Variants in MYH11 observed in about 807,000 individuals in gnomAD.
The protein encoded by MYH11 is myosin-11.
A neutral mutation model predicts 246.6 loss-of-function variants in MYH11; 80 were observed. The ratio of observed to expected loss-of-function variants is 0.32; its 90% CI spans 0.27 to 0.39. MYH11 has a LOEUF of 0.39. Ranked by LOEUF, MYH11 falls within the 10% of genes least tolerant of loss-of-function variation. The probability of loss-of-function intolerance (pLI) is 1.00; values close to 1 mark genes in which losing one functional copy is unlikely to be tolerated. For missense variants in MYH11, 2,158 were observed against 2,546.8 expected (o/e 0.85, Z 3.29); for synonymous variants, 1,071 against 1,015.5 (o/e 1.05, Z -1.04).
intron 19 of MYH11, 99 bp downstream of exon 19, chr16:15,747,471 T>A: frequency 7.1e-7 from 1 of 1,410,432 alleles, no homozygotes; most frequent in South Asian, 1.2e-5. Flanking sequence ...CAATGATGCA[T>A]CTTAAACAGG....
chr16:15,751,537 C>T (rs1370427585), intron 15 of MYH11, among the ~76,000 whole-genome samples: 1 of 151,526 alleles, frequency 6.6e-6, no homozygotes, highest in Non-Finnish European at 1.5e-5. Context: ...AGGTCCTGCA[C>T]ATGCCAAGCC....
intron 26 of MYH11, 124 bp from the exon 27 acceptor site, chr16:15,732,832 G>T: frequency 8.1e-7 from 1 of 1,233,510 alleles, no homozygotes; most frequent in Non-Finnish European, 1.2e-6. Flanking sequence ...CCCCTCTCTA[G>T]CTGTGTGACC....
At chr16:15,801,510 T>A (rs889026062) in intron 3 of MYH11, among the ~76,000 whole-genome samples, 6 of 150,900 alleles carry the variant, frequency 4.0e-5, no homozygotes, top group African/African-American at 9.8e-5. Flanking sequence ...AATTTTTTTT[T>A]AATTAGCTAT....
intron 1 of MYH11, among the ~76,000 whole-genome samples, chr16:15,848,604 G>C (rs865949950): frequency 3.9e-5 from 6 of 152,070 alleles, no homozygotes; most frequent in South Asian, 2.1e-4. Flanking sequence ...GTGCATTGTG[G>C]GATGTTCCGC....
chr16:15,834,599 T>C (rs564342774), intron 2 of MYH11, among the ~76,000 whole-genome samples: 3 of 151,984 alleles, frequency 2.0e-5, no homozygotes, highest in African/African-American at 7.2e-5. Context: ...CAATAATTTT[T>C]CCATACAAAC....
At chr16:15,747,395 G>A (rs1312126039) in intron 19 of MYH11, among the ~76,000 whole-genome samples, 175 bp downstream of exon 19, 5 of 152,096 alleles carry the variant, frequency 3.3e-5, no homozygotes, top group South Asian at 2.1e-4. Flanking sequence ...TCCTGCACTC[G>A]TAACTTGGTA....
chr16:15,737,526 A>C lies in MYH11; in HGVS notation c.3216T>G (p.Ala1072=). The change falls in exon 25 of 41, where the codon GCT becomes GCG. Residue 1072 remains alanine, a synonymous_variant. Coordinates refer to ENST00000300036, the MANE Select transcript of MYH11 (RefSeq NM_002474.3). ...GCTCTGCGATCTGCGCCTGGAGGTC[A>C]GCGATCTGCTCGTGGAAGTCGCTGG... is the stretch of plus-strand genomic sequence containing the variant. ...GDASDFHEQI[A]DLQAQIAELK... is the part of the protein sequence containing the mutation. The C allele has an allele frequency of 3.1e-6, 5 of 1,614,046 alleles. No homozygotes were observed. The highest frequency in any genetic ancestry group is 4.2e-6 in the Non-Finnish European group (5 of 1,180,026).
intron 40 of MYH11, among the ~76,000 whole-genome samples, 157 bp from the exon 41 acceptor site, chr16:15,704,280 T>C (rs952834847): frequency 1.3e-5 from 2 of 152,188 alleles, no homozygotes; most frequent in Non-Finnish European, 2.9e-5. Context: ...GATGCAGATA[T>C]TCAAGTTGAA....
intron 31 of MYH11, among the ~76,000 whole-genome samples, chr16:15,722,163 C>A (rs539752195): frequency 6.6e-6 from 1 of 152,202 alleles, no homozygotes; most frequent in Non-Finnish European, 1.5e-5. Context: ...CTGGCCAAAT[C>A]CTTGTGCTTC....
At chr16:15,704,261 C>A in intron 40 of MYH11, 138 bp from the exon 41 acceptor site, 1 of 918,612 alleles carries the variant, frequency 1.1e-6, no homozygotes, top group Non-Finnish European at 1.7e-6. Flanking sequence ...ACACACACGG[C>A]ACAAATAAGA....
chr16:15,814,573 AAAAAAAAAAAAG>A (rs1452060756), intron 3 of MYH11, among the ~76,000 whole-genome samples: 23 of 146,336 alleles, frequency 1.6e-4, no homozygotes, highest in South Asian at 4.2e-4. Context: ...AAAAAAAAAA[AAAAAAAAAAAAG>A]GTACCAAGAA....
intron 1 of MYH11, among the ~76,000 whole-genome samples, chr16:15,850,327 G>A (rs2044299294): frequency 6.6e-6 from 1 of 152,182 alleles, no homozygotes; most frequent in Non-Finnish European, 1.5e-5. Context: ...GGAGGGTGCA[G>A]TGAGCTGAGA....
At chr16:15,737,344 G>C in intron 25 of MYH11, 105 bp downstream of exon 25, 1 of 1,496,902 alleles carries the variant, frequency 6.7e-7, no homozygotes, top group Non-Finnish European at 9.1e-7. Flanking sequence ...TCATGCCAAG[G>C]GCCTGGGGCC....
At chr16:15,815,714 A>T (rs759667569) in intron 3 of MYH11, among the ~76,000 whole-genome samples, 7 of 152,212 alleles carry the variant, frequency 4.6e-5, no homozygotes, top group Non-Finnish European at 8.8e-5. Context: ...ATGGACTCAT[A>T]GCAAGTCCCA....
intron 3 of MYH11, among the ~76,000 whole-genome samples, chr16:15,806,196 G>C (rs147065499): frequency 0.049 from 6,893 of 140,720 alleles, 291 homozygotes; most frequent in East Asian, 0.14. Context: ...AGAATCACTT[G>C]AACCCAGGAG....
At chr16:15,768,149 CA>C (rs1389162507) in intron 9 of MYH11, among the ~76,000 whole-genome samples, 4 of 152,122 alleles carry the variant, frequency 2.6e-5, no homozygotes, top group African/African-American at 4.8e-5. Context: ...TGTTTTAAGG[CA>C]TCAAGTTTGT....
At chr16:15,766,657 T>C (rs907316618) in intron 9 of MYH11, among the ~76,000 whole-genome samples, 10 of 152,170 alleles carry the variant, frequency 6.6e-5, no homozygotes, top group Admixed American at 3.3e-4. Flanking sequence ...TAGGCCACAG[T>C]GCCCGGCCTA....
intron 24 of MYH11, 56 bp from the exon 25 acceptor site, chr16:15,737,676 A>G: frequency 6.3e-7 from 1 of 1,595,670 alleles, no homozygotes; most frequent in South Asian, 1.1e-5. Flanking sequence ...ATGCCCGGAA[A>G]TGAGCCTTCC....
chr16:15,741,089 A>G, intron 22 of MYH11: 1 of 375,678 alleles, frequency 2.7e-6, no homozygotes, highest in Non-Finnish European at 5.1e-6. Context: ...CTCAGGCCGG[A>G]CCCTCAGCCA....
Sources: allele counts gnomAD v4.1 joint callset (sites outside exome capture counted in the v4.1 genomes callset), GRCh38; gene constraint gnomAD v4.1.1; transcripts MANE v1.5; gene names NCBI Gene and HGNC (gene_info 2026-07-23, HGNC 2026-07-21).